The following CSMD1 variants were observed in gnomAD, a reference collection of about 807,000 sequenced individuals.
CSMD1 encodes the protein CUB and sushi domain-containing protein 1.
A neutral mutation model predicts 417.5 loss-of-function variants in CSMD1; 213 were observed. The observed-to-expected ratio is 0.51, with a 90% confidence interval of 0.46 to 0.57. The LOEUF is 0.57. CSMD1 is among the 20% of genes least tolerant of loss of function. The pLI is 0.00. For missense variants in CSMD1, 6,923 were observed against 4,529.7 expected (o/e 1.53, Z -15.17); for synonymous variants, 2,862 against 1,736.8 (o/e 1.65, Z -16.11).
At chr8:3,340,401 A>C (rs935957122) in intron 23 of CSMD1, among the ~76,000 whole-genome samples, 3 of 152,152 alleles carry the variant, frequency 2.0e-5, no homozygotes, top group Non-Finnish European at 4.4e-5. Context: ...TTTTTTATTA[A>C]GCTATATATT....
chr8:3,188,266 C>T (rs114923403), intron 35 of CSMD1, among the ~76,000 whole-genome samples: 4,433 of 145,750 alleles, frequency 0.03, 255 homozygotes, highest in African/African-American at 0.11. Flanking sequence ...CAAAACAAAC[C>T]ATGAAAGAAC....
In CSMD1 at chr8:3,079,036, G is replaced by A. The variant is rs192641251; in HGVS notation, c.7474+8061C>T. 5.3e-5 allele frequency among the ~76,000 whole-genome samples: 8 copies of A among 152,228 alleles called. No homozygotes were observed. The East Asian group carries it at 1.5e-3, about 29-fold the overall frequency. ...AGTGAAGTCACTTGCCCTGTCCAGG[G>A]TCACAGAGCCAGCAAATGCTGGGGA... On this transcript the variant is annotated intron_variant, in intron 49 of 69. Transcript: ENST00000635120.
At chr8:4,887,047 A>G (rs1466597931) in intron 1 of CSMD1, among the ~76,000 whole-genome samples, 1 of 151,832 alleles carries the variant, frequency 6.6e-6, no homozygotes, top group African/African-American at 2.4e-5. Flanking sequence ...TCCATTTCCA[A>G]TGTGCTAGGT....
intron 3 of CSMD1, among the ~76,000 whole-genome samples, chr8:4,329,957 G>T (rs1585244529): frequency 1.3e-5 from 2 of 152,006 alleles, no homozygotes; most frequent in Non-Finnish European, 2.9e-5. Context: ...ATGACTGGAA[G>T]CTCCCTGAGG....
At chr8:4,035,215 C>T (rs370474915) in intron 3 of CSMD1, among the ~76,000 whole-genome samples, 21 of 152,180 alleles carry the variant, frequency 1.4e-4, no homozygotes, top group Non-Finnish European at 2.6e-4. Context: ...CTATGATGCA[C>T]GTGTCTGTGG....
chr8:3,247,982 A>T (rs552996147), intron 26 of CSMD1, among the ~76,000 whole-genome samples: 1 of 152,286 alleles, frequency 6.6e-6, no homozygotes, highest in South Asian at 2.1e-4. Flanking sequence ...CAGGTCGCCA[A>T]TTGTTTACTT....
chr8:4,015,882 T>C (rs1796499097), intron 4 of CSMD1, among the ~76,000 whole-genome samples: 1 of 152,286 alleles, frequency 6.6e-6, no homozygotes, highest in East Asian at 1.9e-4. Flanking sequence ...TTACATCTCA[T>C]GCTTCCAAGC....
At position 3,350,194 on chromosome 8, in the gene CSMD1, G is replaced by C. The variant is rs533312287; in HGVS notation, c.3305-2033C>G. On this transcript the variant is annotated intron_variant, in intron 21 of 69. Coordinates refer to ENST00000635120, the MANE Select transcript of CSMD1 (RefSeq NM_033225.6). ...ATACCTATAATAACCTATAACTTGT[G>C]TATGTGTGTGTTATAATACCTATAA... Among the ~76,000 whole-genome samples the C allele has an allele frequency of 9.0e-5, 11 of 122,116 alleles. No homozygotes were observed. The South Asian group carries it at 2.8e-3, about 31-fold the overall frequency. 80.1% of individuals were successfully genotyped at this position (122,116 alleles called of 152,430 possible). A position where few individuals can be genotyped will look rare whatever the true frequency, so the allele number is the denominator to read the frequency against.
chr8:3,965,979 G>A (rs182195648), intron 5 of CSMD1, among the ~76,000 whole-genome samples: 182 of 152,240 alleles, frequency 1.2e-3, no homozygotes, highest in Middle Eastern at 3.4e-3. Context: ...ATAATTTAGC[G>A]AGAATAAAAT....
intron 2 of CSMD1, among the ~76,000 whole-genome samples, chr8:4,426,708 G>T (rs1394317441): frequency 6.8e-6 from 1 of 146,150 alleles, no homozygotes; most frequent in Non-Finnish European, 1.5e-5. Context: ...ATATAATGCA[G>T]TAATATTTTA....
chr8:3,406,670 C>G (rs1004603309), intron 14 of CSMD1, among the ~76,000 whole-genome samples: 1 of 152,148 alleles, frequency 6.6e-6, no homozygotes, highest in Non-Finnish European at 1.5e-5. Flanking sequence ...TTTATATCCT[C>G]TAGTTACTAT....
At chr8:4,846,370 G>C (rs561066044) in intron 1 of CSMD1, among the ~76,000 whole-genome samples, 20 of 152,168 alleles carry the variant, frequency 1.3e-4, no homozygotes, top group Non-Finnish European at 2.4e-4. Context: ...CTTGCTTGGA[G>C]GGCTGACATG....
intron 2 of CSMD1, among the ~76,000 whole-genome samples, chr8:4,431,407 G>C (rs1331907582): frequency 6.6e-6 from 1 of 152,140 alleles, no homozygotes; most frequent in African/African-American, 2.4e-5. Context: ...CACAAACTTA[G>C]ATTGAAGGAG....
intron 1 of CSMD1, among the ~76,000 whole-genome samples, chr8:4,936,681 G>C (rs974611470): frequency 4.3e-4 from 65 of 152,152 alleles, no homozygotes; most frequent in African/African-American, 1.5e-3. Context: ...CATTGTCTAT[G>C]ACTAGTAAAT....
intron 3 of CSMD1, among the ~76,000 whole-genome samples, chr8:4,173,981 G>A (rs1432059838): frequency 6.6e-6 from 1 of 152,130 alleles, no homozygotes; most frequent in Non-Finnish European, 1.5e-5. Flanking sequence ...CTGACTGGAA[G>A]CAAAGGATAT....
chr8:3,793,608 C>T (rs1799873050), intron 5 of CSMD1, among the ~76,000 whole-genome samples: 1 of 152,078 alleles, frequency 6.6e-6, no homozygotes, highest in African/African-American at 2.4e-5. Flanking sequence ...TGCAGTAAAC[C>T]TTCCCAAATG....
intron 3 of CSMD1, among the ~76,000 whole-genome samples, chr8:4,330,909 A>C (rs1036048576): frequency 9.2e-5 from 14 of 152,118 alleles, no homozygotes; most frequent in Admixed American, 9.2e-4. Context: ...ATGTATGCCC[A>C]GCACCCTACA....
intron 5 of CSMD1, among the ~76,000 whole-genome samples, chr8:3,889,993 G>A (rs1333137403): frequency 6.6e-6 from 1 of 151,904 alleles, no homozygotes; most frequent in Admixed American, 6.6e-5. Context: ...GACAACCCTG[G>A]GAATATAGGG....
intron 1 of CSMD1, among the ~76,000 whole-genome samples, chr8:4,707,048 A>C (rs1807989818): frequency 6.6e-6 from 1 of 152,238 alleles, no homozygotes; most frequent in African/African-American, 2.4e-5. Flanking sequence ...TAAGGACTTA[A>C]GGTGATCAGA....
Sources: gnomAD v4.1 joint callset for allele counts (sites outside exome capture counted in the v4.1 genomes callset) on GRCh38, gnomAD v4.1.1 for gene constraint, MANE v1.5 for transcripts, NCBI Gene and HGNC (gene_info 2026-07-23, HGNC 2026-07-21) for gene names.